The following HDAC8 variants were observed in gnomAD, a reference collection of about 807,000 sequenced individuals.
The protein encoded by HDAC8 is histone deacetylase-like 1.
Under a neutral mutation model 32.2 loss-of-function variants are expected in HDAC8, and 1 was observed. That is an observed-to-expected ratio of 0.03 (90% CI 0.01 to 0.15). HDAC8 has a LOEUF of 0.15. Ranked by LOEUF, HDAC8 falls within the 10% of genes least tolerant of loss-of-function variation. The probability of loss-of-function intolerance (pLI) is 1.00; values close to 1 mark genes in which losing one functional copy is unlikely to be tolerated. For synonymous variants in HDAC8, 108 were observed against 113.9 expected, an observed-to-expected ratio of 0.95 and a Z score of 0.33; for missense variants, 117 against 300.0, an observed-to-expected ratio of 0.39 and a Z score of 4.51.
chrX:72,493,974 C>T (rs901699438), intron 5 of HDAC8, among the ~76,000 whole-genome samples: 10 of 111,465 alleles, frequency 9.0e-5, no homozygotes, highest in African/African-American at 2.9e-4. Flanking sequence ...CAGGCATGAG[C>T]GACTGCACTT....
At chrX:72,553,336 G>A (rs2051155428) in intron 4 of HDAC8, among the ~76,000 whole-genome samples, 2 of 111,558 alleles carry the variant, frequency 1.8e-5, no homozygotes, top group African/African-American at 6.5e-5. Flanking sequence ...GAGCCACCGC[G>A]CCTGGCCAAT....
chrX:72,366,548 T>A (rs1277096252), intron 9 of HDAC8, among the ~76,000 whole-genome samples: 2 of 112,405 alleles, frequency 1.8e-5, no homozygotes, highest in African/African-American at 6.5e-5. Flanking sequence ...CTAGTGTAAC[T>A]GTTTTTGTGC....
chrX:72,460,563 G>C (rs141792809), intron 9 of HDAC8, among the ~76,000 whole-genome samples: 19 of 111,825 alleles, frequency 1.7e-4, no homozygotes, highest in African/African-American at 4.2e-4. Context: ...CTATTTATGA[G>C]GCCCAGCTTA....
intron 8 of HDAC8, among the ~76,000 whole-genome samples, chrX:72,462,995 G>A (rs141334998): frequency 2.8e-3 from 316 of 111,361 alleles, no homozygotes; most frequent in African/African-American, 9.6e-3. Flanking sequence ...GTATAAACTC[G>A]GACATATGGT....
At chrX:72,454,238 C>T (rs782783452) in intron 9 of HDAC8, among the ~76,000 whole-genome samples, 1 of 112,080 alleles carries the variant, frequency 8.9e-6, no homozygotes, top group South Asian at 3.7e-4. Context: ...GGACTGCCAC[C>T]GAAGGCCAGA....
At chrX:72,559,323 C>T (rs1351339189) in intron 4 of HDAC8, among the ~76,000 whole-genome samples, 2 of 109,402 alleles carry the variant, frequency 1.8e-5, no homozygotes, top group Non-Finnish European at 3.8e-5. Context: ...CTGCCAGCCT[C>T]GGCCTCCCGA....
intron 9 of HDAC8, among the ~76,000 whole-genome samples, chrX:72,438,293 C>A (rs1569296858): frequency 8.9e-6 from 1 of 112,081 alleles, no homozygotes; most frequent in African/African-American, 3.2e-5. Flanking sequence ...AAAGGAATAG[C>A]ACCAACACCA....
chrX:72,436,571 A>T (rs2046957019), intron 9 of HDAC8, among the ~76,000 whole-genome samples: 1 of 110,897 alleles, frequency 9.0e-6, no homozygotes. Context: ...CTATAAGAAT[A>T]GAAAAAGTAA....
At chrX:72,350,547 T>A (rs1216214993) in intron 10 of HDAC8, among the ~76,000 whole-genome samples, 1 of 111,979 alleles carries the variant, frequency 8.9e-6, no homozygotes, top group Non-Finnish European at 1.9e-5. Flanking sequence ...ATTTTATGAA[T>A]AAACATGAGA....
At chrX:72,441,700 G>A (rs2047153436) in intron 9 of HDAC8, among the ~76,000 whole-genome samples, 1 of 112,441 alleles carries the variant, frequency 8.9e-6, no homozygotes, top group Non-Finnish European at 1.9e-5. Flanking sequence ...ACTTTGAAGA[G>A]TTGAGAGAAG....
chrX:72,571,508 C>G (rs188343052), intron 2 of HDAC8, among the ~76,000 whole-genome samples: 2 of 107,468 alleles, frequency 1.9e-5, no homozygotes, highest in Non-Finnish European at 3.9e-5. Flanking sequence ...CCTGCACTTT[C>G]CACTCCCCTG....
intron 4 of HDAC8, 134 bp downstream of exon 4, chrX:72,567,755 C>T: frequency 8.3e-7 from 1 of 1,211,225 alleles, no homozygotes; most frequent in Non-Finnish European, 1.1e-6. Context: ...ACTTGGATTT[C>T]TTCAGAATGC....
At chrX:72,396,769 G>T (rs1302016801) in intron 9 of HDAC8, among the ~76,000 whole-genome samples, 1 of 110,662 alleles carries the variant, frequency 9.0e-6, no homozygotes, top group Non-Finnish European at 1.9e-5. Flanking sequence ...GGGAGGTTGA[G>T]GTAGGAGGAT....
intron 4 of HDAC8, among the ~76,000 whole-genome samples, chrX:72,520,358 T>C (rs1157412792): frequency 8.9e-6 from 1 of 112,466 alleles, no homozygotes; most frequent in Non-Finnish European, 1.9e-5. Flanking sequence ...AAACTCATCA[T>C]ACATTTCATA....
intron 2 of HDAC8, among the ~76,000 whole-genome samples, chrX:72,569,490 C>T (rs782343270): frequency 8.9e-6 from 1 of 112,110 alleles, no homozygotes; most frequent in East Asian, 2.8e-4. Flanking sequence ...TACAAAAATG[C>T]TTGGTGGATA....
chrX:72,470,067 G>T (rs782734621), intron 7 of HDAC8, among the ~76,000 whole-genome samples: 2 of 109,868 alleles, frequency 1.8e-5, no homozygotes, highest in Non-Finnish European at 3.8e-5. Flanking sequence ...AGAATCGCAT[G>T]AACCTGGGAG....
intron 9 of HDAC8, among the ~76,000 whole-genome samples, chrX:72,352,347 A>G (rs1398885933): frequency 9.0e-6 from 1 of 111,505 alleles, no homozygotes; most frequent in Non-Finnish European, 1.9e-5. Flanking sequence ...TTCTGTTGGT[A>G]CTTCTTTCAG....
chrX:72,569,355 C>T (rs2051924138), intron 2 of HDAC8, among the ~76,000 whole-genome samples: 1 of 111,829 alleles, frequency 8.9e-6, no homozygotes, highest in African/African-American at 3.3e-5. Flanking sequence ...GAATTGGGTT[C>T]CTGTCCTAAT....
In HDAC8 at chrX:72,357,619, G is replaced by A. The variant is rs182243617; in HGVS notation, c.1006-5781C>T. Among the ~76,000 whole-genome samples the A allele has an allele frequency of 4.9e-4, 54 of 111,073 alleles. No homozygotes were observed. In the East Asian group the frequency reaches 0.013, roughly 28 times the overall value. ...TGCTGCAGCAAAGTCAGTGGAGGGT[G>A]GGCAGAGGCCTAATGGGAGTGAGGA... On this transcript the variant is annotated intron_variant, in intron 9 of 10. Transcript: ENST00000373573.
Sources: gnomAD v4.1 joint callset for allele counts (sites outside exome capture counted in the v4.1 genomes callset) on GRCh38, gnomAD v4.1.1 for gene constraint, MANE v1.5 for transcripts, NCBI Gene and HGNC (gene_info 2026-07-23, HGNC 2026-07-21) for gene names.